Variants in SUSD6 observed in about 807,000 individuals in gnomAD.
The protein encoded by SUSD6 is sushi domain containing 6.
SUSD6 carries 16 observed loss-of-function variants against 28.4 expected under a neutral mutation model. That is an observed-to-expected ratio of 0.56 (90% CI 0.38 to 0.86). SUSD6 has a LOEUF of 0.86. SUSD6 is among the 40% of genes least tolerant of loss of function. The probability of loss-of-function intolerance (pLI) is 0.00; values close to 1 mark genes in which losing one functional copy is unlikely to be tolerated. For synonymous variants in SUSD6, 147 were observed against 159.6 expected, an observed-to-expected ratio of 0.92 and a Z score of 0.59; for missense variants, 341 against 384.2, an observed-to-expected ratio of 0.89 and a Z score of 0.94.
At chr14:69,624,453 G>GTT (rs1416020968) in intron 1 of SUSD6, among the ~76,000 whole-genome samples, 13 of 136,078 alleles carry the variant, frequency 9.6e-5, no homozygotes, top group Non-Finnish European at 9.7e-5. Flanking sequence ...ATACTTAGTT[G>GTT]TTTTTTTTTT....
intron 1 of SUSD6, among the ~76,000 whole-genome samples, chr14:69,653,609 T>C (rs1177752919): frequency 6.6e-6 from 1 of 152,168 alleles, no homozygotes; most frequent in Non-Finnish European, 1.5e-5. Flanking sequence ...TCTAGGTTCC[T>C]CTTCAGTGAT....
At chr14:69,702,188 TG>T (rs1248682676) in intron 2 of SUSD6, among the ~76,000 whole-genome samples, 1 of 152,208 alleles carries the variant, frequency 6.6e-6, no homozygotes, top group Non-Finnish European at 1.5e-5. Context: ...ATATTCAGGA[TG>T]GGGGCAGGTT....
intron 1 of SUSD6, among the ~76,000 whole-genome samples, chr14:69,646,048 C>A (rs1359942742): frequency 6.6e-6 from 1 of 152,192 alleles, no homozygotes; most frequent in Non-Finnish European, 1.5e-5. Context: ...CTGCGCCTGG[C>A]CTCCCACTTT....
chr14:69,682,975 T>C (rs2139631851), intron 2 of SUSD6, among the ~76,000 whole-genome samples: 1 of 145,546 alleles, frequency 6.9e-6, no homozygotes, highest in African/African-American at 2.5e-5. Flanking sequence ...TTTTTTTCAC[T>C]TGGGGAATTT....
Position 69,628,107 on chromosome 14 carries a change from A to G in SUSD6, c.-81+16279A>G, listed in dbSNP as rs570964863. 1.4e-4 allele frequency among the ~76,000 whole-genome samples: 21 copies of G among 151,866 alleles called. No individual in the cohort carries two copies. In the East Asian group the frequency reaches 4.1e-3, roughly 30 times the overall value. ...GCCACCACGCCCAGGTAATTTTTGG[A>G]TTTTTAGTAGAGACGGGGTTTCACC... On this transcript the variant is annotated intron_variant, in intron 1 of 5. Coordinates refer to ENST00000342745, the MANE Select transcript of SUSD6 (RefSeq NM_014734.4).
At chr14:69,663,132 C>G (rs1322793536) in intron 2 of SUSD6, among the ~76,000 whole-genome samples, 1 of 152,220 alleles carries the variant, frequency 6.6e-6, no homozygotes, top group African/African-American at 2.4e-5. Flanking sequence ...ATCCCCATTG[C>G]TTTCCAGAAA....
chr14:69,632,071 A>G (rs1005891017), intron 1 of SUSD6, among the ~76,000 whole-genome samples: 1 of 152,118 alleles, frequency 6.6e-6, no homozygotes, highest in Non-Finnish European at 1.5e-5. Flanking sequence ...TTCCTTTGTA[A>G]AGGTGCACAT....
At chr14:69,625,501 G>A (rs1885100848) in intron 1 of SUSD6, among the ~76,000 whole-genome samples, 1 of 152,166 alleles carries the variant, frequency 6.6e-6, no homozygotes, top group Admixed American at 6.5e-5. Context: ...AGAGTGGGTG[G>A]CAGCAAACCA....
At chr14:69,696,649 T>A (rs2139641128) in intron 2 of SUSD6, among the ~76,000 whole-genome samples, 1 of 152,366 alleles carries the variant, frequency 6.6e-6, no homozygotes, top group East Asian at 1.9e-4. Context: ...CCTTTTCCAC[T>A]GTTTTCAGAT....
At chr14:69,628,247 A>G (rs1281720208) in intron 1 of SUSD6, among the ~76,000 whole-genome samples, 1 of 152,076 alleles carries the variant, frequency 6.6e-6, no homozygotes, top group African/African-American at 2.4e-5. Flanking sequence ...AGTGACTCTG[A>G]ACTCTGTTTT....
At chr14:69,707,694 T>C (rs901195331) in intron 4 of SUSD6, among the ~76,000 whole-genome samples, 1 of 152,064 alleles carries the variant, frequency 6.6e-6, no homozygotes, top group Non-Finnish European at 1.5e-5. Context: ...CTGCAGTAGG[T>C]TGTGATCACG....
chr14:69,701,267 T>A (rs2139644135), intron 2 of SUSD6, among the ~76,000 whole-genome samples: 1 of 152,030 alleles, frequency 6.6e-6, no homozygotes, highest in South Asian at 2.1e-4. Context: ...CGCTCAAAGA[T>A]TCTGTGGAGA....
chr14:69,672,706 G>A (rs999252361), intron 2 of SUSD6, among the ~76,000 whole-genome samples: 4 of 152,194 alleles, frequency 2.6e-5, no homozygotes, highest in Non-Finnish European at 4.4e-5. Flanking sequence ...ACTTCACAGA[G>A]CACCCCCGAG....
intron 1 of SUSD6, among the ~76,000 whole-genome samples, chr14:69,628,719 GTTTT>G (rs11357371): frequency 8.3e-6 from 1 of 120,330 alleles, no homozygotes; most frequent in Non-Finnish European, 1.8e-5. Flanking sequence ...CCTGTGGTGG[GTTTT>G]TTTTTTTTTT....
intron 2 of SUSD6, among the ~76,000 whole-genome samples, chr14:69,661,568 T>C (rs560872438): frequency 2.6e-5 from 4 of 152,280 alleles, no homozygotes; most frequent in African/African-American, 9.6e-5. Flanking sequence ...CACCTTTGCT[T>C]AGATCCTGTG....
rs146702932 is a variant in SUSD6, at chr14:69,623,455, A to G, written c.-81+11627A>G. Reference sequence around the variant, plus strand: ...GTTGTATTAGAGTCTAGCACATACAATTATGTATAGTACATAATACTTGAT... The same window carrying G: ...GTTGTATTAGAGTCTAGCACATACAGTTATGTATAGTACATAATACTTGAT... On this transcript the variant is annotated intron_variant, in intron 1 of 5. Transcript: ENST00000342745. Among the ~76,000 whole-genome samples, 62 of 152,348 alleles carry G rather than the reference A, an allele frequency of 4.1e-4. No homozygotes were observed. In the East Asian group the frequency reaches 9.4e-3, roughly 23 times the overall value.
chr14:69,636,609 G>GC (rs1885269934), intron 1 of SUSD6, among the ~76,000 whole-genome samples: 1 of 152,220 alleles, frequency 6.6e-6, no homozygotes. Flanking sequence ...CTCCGGTACT[G>GC]CCATGTGTGC....
chr14:69,709,727 CT>C (rs1886436513), intron 5 of SUSD6, among the ~76,000 whole-genome samples: 1 of 152,192 alleles, frequency 6.6e-6, no homozygotes, highest in African/African-American at 2.4e-5. Context: ...CTCTAGCGCC[CT>C]TGTGGCAAAC....
intron 1 of SUSD6, among the ~76,000 whole-genome samples, chr14:69,628,290 T>G (rs997085787): frequency 1.3e-5 from 2 of 152,214 alleles, no homozygotes; most frequent in Non-Finnish European, 2.9e-5. Context: ...TCTCACCACG[T>G]GGGTCATTTG....
Sources: allele counts gnomAD v4.1 joint callset (sites outside exome capture counted in the v4.1 genomes callset), GRCh38; gene constraint gnomAD v4.1.1; transcripts MANE v1.5; gene names NCBI Gene and HGNC (gene_info 2026-07-23, HGNC 2026-07-21).